IL17A: variants seen among roughly 807,000 people sequenced by gnomAD.
IL17A encodes the protein interleukin 17A.
IL17A carries 1 observed loss-of-function variant against 7.2 expected under a neutral mutation model. The ratio of observed to expected loss-of-function variants is 0.14; its 90% CI spans 0.05 to 0.66. The LOEUF (loss-of-function observed/expected upper bound fraction) is 0.66, where lower values mean the gene tolerates loss of function less well. Among genes scored for constraint, IL17A ranks in the 30% least tolerant of loss-of-function variants. The pLI, the probability that IL17A is intolerant of heterozygous loss-of-function variation, is 0.84. For missense variants in IL17A, 191 were observed against 197.1 expected (o/e 0.97, Z 0.18); for synonymous variants, 90 against 77.7 (o/e 1.16, Z -0.83).
chr6:52,187,703 G>C lies in IL17A; in HGVS notation c.128G>C (p.Arg43Pro). 6.2e-7 allele frequency: 1 copy of C among 1,613,962 alleles called. No individual in the cohort carries two copies. The highest frequency in any genetic ancestry group is 8.5e-7 in the Non-Finnish European group (1 of 1,179,916). The change falls in exon 2 of 3, where the codon CGG becomes CCG. Residue 43 changes from arginine (R) to proline (P), a missense_variant. Transcript: ENST00000648244. The stretch of plus-strand genomic sequence containing the variant: ...AATTCTGAGGACAAGAACTTCCCCC[G>C]GACTGTGATGGTCAACCTGAACATC... ...CPNSEDKNFP[R>P]TVMVNLNIHN...
At chr6:52,186,879 C>T (rs1282667972) in intron 1 of IL17A, among the ~76,000 whole-genome samples, 1 of 152,128 alleles carries the variant, frequency 6.6e-6, no homozygotes, top group Non-Finnish European at 1.5e-5. Context: ...GTACCATATT[C>T]TCAGTACATT....
In IL17A at chr6:52,186,412, G is replaced by A; in HGVS notation, c.-20G>A. 6.2e-7 allele frequency: 1 copy of A among 1,613,722 alleles called. No individual in the cohort carries two copies. ...GCAGGCACAAACTCATCCATCCCCA[G>A]TTGATTGGAAGAAACAACGATGACT... On this transcript the variant is annotated 5_prime_UTR_variant, in exon 1 of 3. Coordinates refer to ENST00000648244, the MANE Select transcript of IL17A (RefSeq NM_002190.3).
intron 1 of IL17A, among the ~76,000 whole-genome samples, chr6:52,187,044 C>T (rs1763297072): frequency 1.3e-5 from 2 of 152,020 alleles, no homozygotes; most frequent in Admixed American, 1.3e-4. Flanking sequence ...GAAAATATAC[C>T]TAAGAAAACA....
intron 2 of IL17A, 106 bp from the exon 3 acceptor site, chr6:52,188,949 A>G (rs957488007): frequency 7.4e-6 from 6 of 808,692 alleles, no homozygotes; most frequent in Non-Finnish European, 4.0e-6. Context: ...TGCAATGCCT[A>G]TAATTTGTCA....
Position 52,189,169 on chromosome 6 carries a change from C to G in IL17A, c.345C>G (p.Ile115Met). The change falls in exon 3 of 3, where the codon ATC becomes ATG. Residue 115 changes from isoleucine (I) to methionine (M), a missense_variant. Physicochemically the swap from Ile to Met is conservative, Grantham distance 10 (BLOSUM62 1). Transcript: ENST00000648244. ...NVDYHMNSVP[I>M]QQEILVLRRE... The stretch of plus-strand genomic sequence containing the variant: ...ACTACCACATGAACTCTGTCCCCAT[C>G]CAGCAAGAGATCCTGGTCCTGCGCA... 2.5e-6 allele frequency: 4 copies of G among 1,614,160 alleles called. No homozygotes were observed. Among genetic ancestry groups the G allele is most frequent in the Non-Finnish European group, 3.4e-6 (4 of 1,180,008 alleles).
intron 1 of IL17A, 135 bp from the exon 2 acceptor site, chr6:52,187,468 A>G: frequency 1.3e-6 from 1 of 766,218 alleles, no homozygotes. Context: ...GATCTGAAAA[A>G]TGTAGTATAG....
intron 1 of IL17A, among the ~76,000 whole-genome samples, chr6:52,187,393 TA>T (rs1020928612): frequency 3.3e-5 from 5 of 152,256 alleles, no homozygotes; most frequent in Admixed American, 3.3e-4. Context: ...CTAGTTTTTT[TA>T]AAAAAATTTT....
rs568834044 is a variant in IL17A at position 52,186,431 on chromosome 6, G to A, written c.-1G>A. 71 of 1,613,924 alleles carry A rather than the reference G, an allele frequency of 4.4e-5. 1 individual carries two copies. In the Middle Eastern group the frequency reaches 5.0e-3, roughly 113 times the overall value. On this transcript the variant is annotated 5_prime_UTR_variant, in exon 1 of 3. Transcript: ENST00000648244. ...TCCCCAGTTGATTGGAAGAAACAAC[G>A]ATGACTCCTGGGAAGACCTCATTGG...
intron 2 of IL17A, 125 bp downstream of exon 2, chr6:52,187,930 C>A: frequency 1.3e-6 from 1 of 783,750 alleles, no homozygotes; most frequent in Admixed American, 2.2e-5. Context: ...GGAAGGACCA[C>A]TGTGAAGAGC....
rs1763357298 is a variant in IL17A at position 52,190,322 on chromosome 6, A to G, written c.*1030A>G. The G allele has an allele frequency of 6.6e-6, 1 of 152,222 alleles. No homozygotes were observed. The highest frequency in any genetic ancestry group is 6.5e-5 in the Admixed American group (1 of 15,280). The allele number at this position is 152,222 out of a possible 1,614,324, so 9.4% of individuals were successfully genotyped here. A position where few individuals can be genotyped will look rare whatever the true frequency, so the allele number is the denominator to read the frequency against. On this transcript the variant is annotated 3_prime_UTR_variant, in exon 3 of 3. Transcript: ENST00000648244. ...TATTAAAGATCATATGGGGAAAATGAAACCCTCCCCAAAATACAAGAAGTT... is the reference window on the plus strand; with the variant it reads ...TATTAAAGATCATATGGGGAAAATGGAACCCTCCCCAAAATACAAGAAGTT...
chr6:52,187,824 T>A lies in IL17A; in HGVS notation c.230+19T>A, dbSNP rs754084326. On this transcript the variant is annotated intron_variant, in intron 2 of 2. Coordinates refer to ENST00000648244, the MANE Select transcript of IL17A (RefSeq NM_002190.3). ...ATCTCCAGTACGTAAAGCTTCCAGA[T>A]AAAAATGCTATATTCTTCATCCCTC... is the stretch of plus-strand genomic sequence containing the variant. 1.4e-5 allele frequency: 23 copies of A among 1,589,268 alleles called. No individual in the cohort carries two copies. Among genetic ancestry groups the A allele is most frequent in the Non-Finnish European group, 1.2e-5 (14 of 1,157,566 alleles).
At chr6:52,188,906 GTTC>G (rs1763328468) in intron 2 of IL17A, 146 bp from the exon 3 acceptor site, 1 of 539,956 alleles carries the variant, frequency 1.9e-6, no homozygotes. Flanking sequence ...TGTCCCCAAA[GTTC>G]TTCTTCAAAC....
In IL17A at chr6:52,189,120, G is replaced by T. The variant is rs1168004594; in HGVS notation, c.296G>T (p.Cys99Phe). ...IWEAKCRHLG[C>F]INADGNVDYH... ...GAGGCAAAGTGCCGCCACTTGGGCT[G>T]CATCAACGCTGATGGGAACGTGGAC... is the stretch of plus-strand genomic sequence containing the variant. Residue 99 changes from cysteine to phenylalanine, a missense_variant, in exon 3 of 3, where the codon TGC becomes TTC. Physicochemically the swap from Cys to Phe is radical, Grantham distance 205. Coordinates refer to ENST00000648244, the MANE Select transcript of IL17A (RefSeq NM_002190.3). 1 of 1,614,028 alleles carries T rather than the reference G, an allele frequency of 6.2e-7. No individual in the cohort carries two copies. The highest frequency in any genetic ancestry group is 8.5e-7 in the Non-Finnish European group (1 of 1,180,006).
chr6:52,188,800 T>A lies in IL17A; in HGVS notation c.231-255T>A, dbSNP rs146416767. Reference sequence around the variant, plus strand: ...TTAAATTTTTTCTGTGGCCTCAGTCTATCTTATTTTATTCATTCTTCAAAT... The same window carrying A: ...TTAAATTTTTTCTGTGGCCTCAGTCAATCTTATTTTATTCATTCTTCAAAT... On this transcript the variant is annotated intron_variant, in intron 2 of 2. Transcript: ENST00000648244. Among the ~76,000 whole-genome samples, 282 of 152,176 alleles carry A rather than the reference T, an allele frequency of 1.9e-3. 2 individuals are homozygous for A. Among genetic ancestry groups the A allele is most frequent in the African/African-American group, 6.6e-3 (272 of 41,432 alleles).
rs1380756155 is a variant in IL17A at position 52,189,439 on chromosome 6, G to A, written c.*147G>A. ...GGCAGTTTGTCCAATTAAAGCTTCAGAGGTAACACTTGGCCAAGATATGAG... is the reference window on the plus strand; with the variant it reads ...GGCAGTTTGTCCAATTAAAGCTTCAAAGGTAACACTTGGCCAAGATATGAG... On this transcript the variant is annotated 3_prime_UTR_variant, in exon 3 of 3. Transcript: ENST00000648244. 2.0e-5 allele frequency: 12 copies of A among 601,776 alleles called. No homozygotes were observed. The highest frequency in any genetic ancestry group is 3.2e-5 in the Non-Finnish European group (11 of 345,216). 37.3% of individuals were successfully genotyped at this position (601,776 alleles called of 1,614,324 possible).
chr6:52,186,443 G>C lies in IL17A; in HGVS notation c.12G>C (p.Gly4=). 1.2e-6 allele frequency: 2 copies of C among 1,613,990 alleles called. No homozygotes were observed. Residue 4 remains glycine, a synonymous_variant, in exon 1 of 3, where the codon GGG becomes GGC. Transcript: ENST00000648244. ...TGGAAGAAACAACGATGACTCCTGG[G>C]AAGACCTCATTGGTGGTGAGTCCTG... MTP[G]KTSLVSLLLL... is the part of the protein sequence containing the mutation.
intron 2 of IL17A, among the ~76,000 whole-genome samples, chr6:52,188,582 C>T (rs557821756): frequency 6.6e-6 from 1 of 152,110 alleles, no homozygotes; most frequent in Non-Finnish European, 1.5e-5. Context: ...GTTTCCAGCC[C>T]TTTATCTCAG....
chr6:52,186,527 T>A, intron 1 of IL17A, 69 bp downstream of exon 1: 1 of 1,476,168 alleles, frequency 6.8e-7, no homozygotes, highest in Non-Finnish European at 9.5e-7. Flanking sequence ...ACCGTGGGCA[T>A]GAAACGCTGG....
At chr6:52,188,891 C>G (rs571327470) in intron 2 of IL17A, among the ~76,000 whole-genome samples, 164 bp from the exon 3 acceptor site, 88 of 151,848 alleles carry the variant, frequency 5.8e-4, no homozygotes, top group Non-Finnish European at 9.4e-4. Context: ...AAAAAAAATC[C>G]AATTTGTCCC....
Sources: gnomAD v4.1 joint callset for allele counts (sites outside exome capture counted in the v4.1 genomes callset) on GRCh38, gnomAD v4.1.1 for gene constraint, MANE v1.5 for transcripts, NCBI Gene and HGNC (gene_info 2026-07-23, HGNC 2026-07-21) for gene names.